Variants in ABCF1 observed in about 807,000 individuals in gnomAD.
ABCF1 encodes ATP binding cassette subfamily F member 1.
In ABCF1, 73 loss-of-function variants were observed where a neutral mutation model predicts 126.3. The ratio of observed to expected loss-of-function variants is 0.58; its 90% CI spans 0.48 to 0.70. The LOEUF is 0.70. Ranked by LOEUF, ABCF1 falls within the 30% of genes least tolerant of loss-of-function variation. The pLI is 0.00. For missense variants in ABCF1, 786 were observed against 1,057.5 expected (o/e 0.74, Z 3.56); for synonymous variants, 345 against 396.4 (o/e 0.87, Z 1.54).
At chr6:30,579,115 G>A (rs1055995086) in intron 6 of ABCF1, among the ~76,000 whole-genome samples, 1 of 152,028 alleles carries the variant, frequency 6.6e-6, no homozygotes, top group African/African-American at 2.4e-5. Context: ...TCTTCTACTT[G>A]TGACTCTTCT....
intron 6 of ABCF1, 35 bp from the exon 7 acceptor site, chr6:30,579,896 T>G: frequency 6.3e-7 from 1 of 1,595,228 alleles, no homozygotes; most frequent in Non-Finnish European, 8.6e-7. Context: ...ATAATTTGTA[T>G]GTATGTGTGT....
intron 1 of ABCF1, among the ~76,000 whole-genome samples, chr6:30,575,173 G>A (rs1211493832): frequency 1.3e-5 from 2 of 150,222 alleles, no homozygotes; most frequent in Non-Finnish European, 3.0e-5. Context: ...AGGTACAAGC[G>A]ATTCTCCTGC....
At position 30,584,269 on chromosome 6, in the gene ABCF1, G is replaced by A. The variant is rs1455610951; in HGVS notation, c.1180G>A (p.Glu394Lys). 5 of 1,613,112 alleles carry A rather than the reference G, an allele frequency of 3.1e-6. No individual in the cohort carries two copies. Among genetic ancestry groups the A allele is most frequent in the Non-Finnish European group, 4.2e-6 (5 of 1,180,026 alleles). ...DTKRLKLLEEERRLQGQLEQG... is the reference protein window; with the variant it reads ...DTKRLKLLEEKRRLQGQLEQG... ...CAAGCGATTGAAGCTGCTGGAAGAG[G>A]AGCGGCGGCTTCAGGGACAGCTGGA... The change falls in exon 13 of 25, where the codon GAG (glutamate) becomes AAG (lysine). Residue 394 changes from glutamate to lysine, a missense_variant. Transcript: ENST00000326195. The surrounding 1 kb of genome is among the most constrained non-coding windows in gnomAD (Gnocchi z 4.6).
rs116847934 is a variant in ABCF1, at chr6:30,574,922, T to G, written c.74-2487T>G. Among the ~76,000 whole-genome samples the G allele has an allele frequency of 9.5e-3, 1,442 of 152,182 alleles. 24 individuals are homozygous for G. The highest frequency in any genetic ancestry group is 0.056 in the South Asian group (272 of 4,818). On this transcript the variant is annotated intron_variant, in intron 1 of 24. Coordinates refer to ENST00000326195, the MANE Select transcript of ABCF1 (RefSeq NM_001025091.2). This position sits in a 1 kb window ranked among gnomAD's most constrained non-coding sequence, Gnocchi z 4.3. The stretch of plus-strand genomic sequence containing the variant: ...CATTTTAGTCTGTGAAGCCTTTAAT[T>G]ATTGGAATTGTCTCTCGTTAACTCT...
At chr6:30,575,986 A>T (rs917808143) in intron 1 of ABCF1, among the ~76,000 whole-genome samples, 3 of 151,350 alleles carry the variant, frequency 2.0e-5, no homozygotes, top group Non-Finnish European at 2.9e-5. Flanking sequence ...AAGTGGGAGG[A>T]TCACCTAAGC....
intron 1 of ABCF1, among the ~76,000 whole-genome samples, chr6:30,576,532 G>A (rs943583046): frequency 9.2e-5 from 14 of 151,596 alleles, no homozygotes; most frequent in Admixed American, 1.3e-4. Flanking sequence ...CAAGTGATCC[G>A]CCTGCCTCTG....
Position 30,580,519 on chromosome 6 carries a change from G to GGTGT in ABCF1, c.678+3_678+6dup, listed in dbSNP as rs1801763659. ...AGGAGAAGGCCAAGAAGGCAGAGCA[G>GGTGT]GTGTGTATTTGGTGTTGGGGCAAGG... On this transcript the variant is annotated frameshift_variant and splice_region_variant. Coordinates refer to ENST00000326195, the MANE Select transcript of ABCF1 (RefSeq NM_001025091.2). LOFTEE classifies it high-confidence loss of function. 1 of 1,507,566 alleles carries GGTGT rather than the reference G, an allele frequency of 6.6e-7. No homozygotes were observed. The highest frequency in any genetic ancestry group is 8.8e-7 in the Non-Finnish European group (1 of 1,138,736). 93.4% of individuals were successfully genotyped at this position (1,507,566 alleles called of 1,614,324 possible).
chr6:30,579,549 C>G (rs1006504741), intron 6 of ABCF1, among the ~76,000 whole-genome samples: 1 of 151,488 alleles, frequency 6.6e-6, no homozygotes, highest in Non-Finnish European at 1.5e-5. Flanking sequence ...CCTCCGCCTC[C>G]CGGGTTCAAG....
chr6:30,580,854 A>G (rs1228281954), intron 8 of ABCF1, among the ~76,000 whole-genome samples: 1 of 151,810 alleles, frequency 6.6e-6, no homozygotes, highest in Non-Finnish European at 1.5e-5. Context: ...TTTTATTTTT[A>G]GTATAGAGAT....
rs763829138 is a variant in ABCF1 at position 30,590,714 on chromosome 6, A to C, written c.*13A>C. 6.3e-7 allele frequency: 1 copy of C among 1,598,984 alleles called. No individual in the cohort carries two copies. Among genetic ancestry groups the C allele is most frequent in the East Asian group, 2.2e-5 (1 of 44,764 alleles). ...GCCCCGAGAGTGAGCTTTCCTTCCC[A>C]GAAGTCTCCCGAGAGACATATTTGT... On this transcript the variant is annotated 3_prime_UTR_variant, in exon 25 of 25. Coordinates refer to ENST00000326195, the MANE Select transcript of ABCF1 (RefSeq NM_001025091.2).
In ABCF1 at chr6:30,583,676, C is replaced by T. The variant is rs138317386; in HGVS notation, c.984C>T (p.Ala328=). ...TCAATGCAGACCTGTACATTGTAGC[C>T]GGCCGCCGCTACGGGCTGGTAGGAC... ...LFVNADLYIV[A]GRRYGLVGPN... is the part of the protein sequence containing the mutation. Residue 328 remains alanine (A), a synonymous_variant, in exon 11 of 25, where the codon GCC becomes GCT. Coordinates refer to ENST00000326195, the MANE Select transcript of ABCF1 (RefSeq NM_001025091.2). The surrounding 1 kb of genome is among the most constrained non-coding windows in gnomAD (Gnocchi z 4.1). 6 of 1,613,756 alleles carry T rather than the reference C, an allele frequency of 3.7e-6. No individual in the cohort carries two copies. The African/African-American group carries it at 5.3e-5, about 14-fold the overall frequency.
intron 8 of ABCF1, 102 bp downstream of exon 8, chr6:30,580,621 C>T (rs948613300): frequency 9.8e-6 from 7 of 711,092 alleles, no homozygotes; most frequent in Middle Eastern, 3.7e-4. Flanking sequence ...TCCCAGCAAA[C>T]CTTTATTCTT....
At position 30,582,248 on chromosome 6, in the gene ABCF1, G is replaced by T. The variant is rs1801857176; in HGVS notation, c.679-146G>T. ...ATTTTTTGTATTTTTAGTAGAGATG[G>T]GGTTTCACCATGTTAGCCAGGATGG... On this transcript the variant is annotated intron_variant, in intron 8 of 24. Coordinates refer to ENST00000326195, the MANE Select transcript of ABCF1 (RefSeq NM_001025091.2). The T allele has an allele frequency of 5.2e-6, 3 of 577,772 alleles. No individual in the cohort carries two copies. The African/African-American group carries it at 5.7e-5, about 11-fold the overall frequency. 35.8% of individuals were successfully genotyped at this position (577,772 alleles called of 1,614,324 possible).
At chr6:30,577,949 C>T (rs369335587) in intron 3 of ABCF1, 36 bp downstream of exon 3, 2 of 1,613,042 alleles carry the variant, frequency 1.2e-6, no homozygotes, top group Non-Finnish European at 1.7e-6. Context: ...TCCTGGGAGG[C>T]ATCTGGGTTC....
intron 1 of ABCF1, 58 bp downstream of exon 1, chr6:30,571,618 G>C: frequency 1.9e-6 from 3 of 1,557,166 alleles, no homozygotes; most frequent in Non-Finnish European, 2.6e-6. Context: ...GAGACTGCGC[G>C]TGTTTTAAGA....
Position 30,577,856 on chromosome 6 carries a change from G to GGAA in ABCF1, c.165_167dup (p.Glu56dup). The GGAA allele has an allele frequency of 6.2e-7, 1 of 1,613,978 alleles. No homozygotes were observed. The highest frequency in any genetic ancestry group is 8.5e-7 in the Non-Finnish European group (1 of 1,180,012). On this transcript the variant is annotated inframe_insertion, in exon 3 of 25. Transcript: ENST00000326195. ...TGGCAGTAGAAGATAAACAGGCTGG[G>GGAA]GAAGAAGAGAAAGTGCTCAAGGAGA...
intron 8 of ABCF1, 37 bp from the exon 9 acceptor site, chr6:30,582,357 G>A: frequency 7.1e-7 from 1 of 1,406,354 alleles, no homozygotes; most frequent in Non-Finnish European, 9.9e-7. Flanking sequence ...CGCCCAGCCA[G>A]GAGTCCCTAG....
chr6:30,577,965 A>T, intron 3 of ABCF1, 52 bp downstream of exon 3: 1 of 1,613,116 alleles, frequency 6.2e-7, no homozygotes, highest in Non-Finnish European at 8.5e-7. Flanking sequence ...GGTTCCACCA[A>T]CCCCTTTCCA....
chr6:30,586,231 G>C lies in ABCF1; in HGVS notation c.1811G>C (p.Arg604Pro). 1 of 1,614,004 alleles carries C rather than the reference G, an allele frequency of 6.2e-7. No homozygotes were observed. The highest frequency in any genetic ancestry group is 1.3e-5 in the African/African-American group (1 of 75,022). Residue 604 changes from arginine to proline, a missense_variant, in exon 18 of 25, where the codon CGC becomes CCC. By Grantham distance (103) the Arg-to-Pro change is moderately radical. Transcript: ENST00000326195. This position sits in a 1 kb window ranked among gnomAD's most constrained non-coding sequence, Gnocchi z 4.9. Reference sequence around the variant, plus strand: ...CAGGAGGCCCCTGAGCTCCTGAAGCGCCCTAAGGAGTACACTGTGCGCTTC... The same window carrying C: ...CAGGAGGCCCCTGAGCTCCTGAAGCCCCCTAAGGAGTACACTGTGCGCTTC... ...ESQEAPELLK[R>P]PKEYTVRFTF...
Sources: gnomAD v4.1 joint callset for allele counts (sites outside exome capture counted in the v4.1 genomes callset) on GRCh38, gnomAD v4.1.1 for gene constraint, Gnocchi (gnomAD v3.1) non-coding constraint, MANE v1.5 for transcripts, NCBI Gene and HGNC (gene_info 2026-07-23, HGNC 2026-07-21) for gene names.